Variants in CHRNB4 observed in about 807,000 individuals in gnomAD.
The protein encoded by CHRNB4 is neuronal acetylcholine receptor subunit beta-4.
Under a neutral mutation model 40.4 loss-of-function variants are expected in CHRNB4, and 23 were observed. The ratio of observed to expected loss-of-function variants is 0.57; its 90% confidence interval spans 0.41 to 0.81. The LOEUF (loss-of-function observed/expected upper bound fraction) is 0.81. Ranked by LOEUF, CHRNB4 falls within the 30% of genes least tolerant of loss-of-function variation. CHRNB4 has a pLI of 0.00. For missense variants in CHRNB4, 568 were observed against 670.6 expected (o/e 0.85, Z 1.69); for synonymous variants, 285 against 274.4 (o/e 1.04, Z -0.38).
At chr15:78,639,685 C>T (rs1296547050) in intron 1 of CHRNB4, among the ~76,000 whole-genome samples, 2 of 152,160 alleles carry the variant, frequency 1.3e-5, no homozygotes, top group Non-Finnish European at 2.9e-5. Flanking sequence ...GTATTAATCA[C>T]CTGGATTCCT....
chr15:78,652,832 G>T (rs572041803), intron 5 of CHRNB4, among the ~76,000 whole-genome samples: 1 of 152,170 alleles, frequency 6.6e-6, no homozygotes, highest in African/African-American at 2.4e-5. Flanking sequence ...AGAGCATGTC[G>T]CAGTGATTTG....
chr15:78,630,750 C>T lies in CHRNB4; in HGVS notation c.359+326G>A, dbSNP rs71528526. On this transcript the variant is annotated intron_variant, in intron 4 of 5. Coordinates refer to ENST00000261751, the MANE Select transcript of CHRNB4 (RefSeq NM_000750.5). ...ACACAGTAAGTCAGTGGTACCAACA[C>T]CAACACTGGCAAAGCAACAGAGGCT... 8.7e-3 allele frequency among the ~76,000 whole-genome samples: 1,327 copies of T among 152,318 alleles called. 7 individuals carry two copies. The highest frequency in any genetic ancestry group is 0.014 in the Admixed American group (218 of 15,304).
chr15:78,661,120 G>C, upstream of CHRNB4: 1 of 619,356 alleles, frequency 1.6e-6, no homozygotes, highest in Non-Finnish European at 3.1e-6. Context: ...GTAGGCTTTG[G>C]TGTGGCTGTG....
intron 1 of CHRNB4, among the ~76,000 whole-genome samples, chr15:78,639,488 C>T (rs1025587536): frequency 6.6e-6 from 1 of 152,062 alleles, no homozygotes; most frequent in Admixed American, 6.6e-5. Context: ...TTAGTAGAGA[C>T]GGGGTTTCAC....
At chr15:78,649,679 C>T (rs577265897) in intron 6 of CHRNB4, among the ~76,000 whole-genome samples, 5 of 152,182 alleles carry the variant, frequency 3.3e-5, no homozygotes, top group East Asian at 1.9e-4. Flanking sequence ...ATATAACATA[C>T]GTGGACATAT....
intron 1 of CHRNB4, among the ~76,000 whole-genome samples, chr15:78,638,579 G>A (rs1438038468): frequency 6.6e-6 from 1 of 151,830 alleles, no homozygotes; most frequent in East Asian, 1.9e-4. Context: ...GGCAGTGTGT[G>A]CCCATGACTG....
chr15:78,653,953 G>A (rs2054192780), intron 5 of CHRNB4, among the ~76,000 whole-genome samples: 1 of 152,164 alleles, frequency 6.6e-6, no homozygotes, highest in African/African-American at 2.4e-5. Flanking sequence ...GAAGGGATGG[G>A]TTGCAATGGG....
At chr15:78,645,541 C>T (rs979680458), upstream of CHRNB4, among the ~76,000 whole-genome samples, 10 of 152,094 alleles carry the variant, frequency 6.6e-5, no homozygotes, top group African/African-American at 9.7e-5. Flanking sequence ...CTTCACCACC[C>T]CTCAGCTGGA....
chr15:78,644,509 CTG>C (rs780331618), upstream of CHRNB4, among the ~76,000 whole-genome samples: 190 of 152,184 alleles, frequency 1.2e-3, no homozygotes, highest in Non-Finnish European at 6.6e-4. Context: ...TCACTAGACA[CTG>C]TACCTGCTGG....
At chr15:78,644,605 G>A (rs1042338219), upstream of CHRNB4, among the ~76,000 whole-genome samples, 1 of 152,078 alleles carries the variant, frequency 6.6e-6, no homozygotes, top group Non-Finnish European at 1.5e-5. Context: ...CTGGTATTTT[G>A]TTATAGCACT....
At chr15:78,656,656 T>C (rs1596126538) in exon 4 of CHRNB4, 1 of 152,160 alleles carries the variant, frequency 6.6e-6, no homozygotes, top group Non-Finnish European at 1.5e-5. Flanking sequence ...GCAGCACTCA[T>C]TGGCAAACGC....
chr15:78,645,096 C>A (rs1359841692), upstream of CHRNB4, among the ~76,000 whole-genome samples: 2 of 152,134 alleles, frequency 1.3e-5, no homozygotes, highest in East Asian at 3.9e-4. Context: ...AATCCGAAGC[C>A]CACACCCCCA....
chr15:78,632,570 CA>C (rs1312985376), intron 2 of CHRNB4, among the ~76,000 whole-genome samples: 1 of 152,028 alleles, frequency 6.6e-6, no homozygotes, highest in East Asian at 1.9e-4. Context: ...CTCAGCCTCC[CA>C]AAGTGCTGGC....
chr15:78,630,433 C>T (rs1381883029), intron 4 of CHRNB4, among the ~76,000 whole-genome samples: 3 of 152,262 alleles, frequency 2.0e-5, no homozygotes, highest in East Asian at 1.9e-4. Flanking sequence ...CCACCACACC[C>T]GGCCCATCAA....
chr15:78,650,370 T>G (rs918912228), intron 6 of CHRNB4, among the ~76,000 whole-genome samples: 2 of 152,168 alleles, frequency 1.3e-5, no homozygotes, highest in African/African-American at 4.8e-5. Context: ...AGATGATAGA[T>G]CTCATGGTGT....
chr15:78,655,496 C>T (rs1372620352), intron 5 of CHRNB4: 5 of 149,274 alleles, frequency 3.3e-5, no homozygotes, highest in Admixed American at 6.7e-5. Flanking sequence ...CATATAATTA[C>T]ATATGTATAT....
intron 5 of CHRNB4, chr15:78,628,114 C>G (rs1345058330): frequency 6.6e-6 from 1 of 151,960 alleles, no homozygotes; most frequent in African/African-American, 2.4e-5. Context: ...TGCAGTGAGC[C>G]GAGATTGTGC....
At chr15:78,638,501 T>C (rs1204178593) in intron 1 of CHRNB4, among the ~76,000 whole-genome samples, 1 of 151,764 alleles carries the variant, frequency 6.6e-6, no homozygotes, top group Non-Finnish European at 1.5e-5. Context: ...CCCTGAGCCT[T>C]CTTCAGTGCC....
chr15:78,651,568 G>A (rs75262975), intron 6 of CHRNB4, among the ~76,000 whole-genome samples: 1,626 of 152,314 alleles, frequency 0.011, 34 homozygotes, highest in African/African-American at 0.031. Context: ...CAGATTGACC[G>A]AGAAGTGGAC....
Sources: allele counts gnomAD v4.1 joint callset (sites outside exome capture counted in the v4.1 genomes callset), GRCh38; gene constraint gnomAD v4.1.1; transcripts MANE v1.5; gene names NCBI Gene and HGNC (gene_info 2026-07-23, HGNC 2026-07-21).